LTBP4: variants seen among roughly 807,000 people sequenced by gnomAD.
The protein encoded by LTBP4 is latent-transforming growth factor beta-binding protein 4.
A neutral mutation model predicts 180.2 loss-of-function variants in LTBP4; 93 were observed. That is an observed-to-expected ratio of 0.52 (90% CI 0.44 to 0.61). LTBP4 has a LOEUF of 0.61. LTBP4 is among the 20% of genes least tolerant of loss of function. The pLI is 0.00. For missense variants in LTBP4, 2,116 were observed against 2,256.5 expected (o/e 0.94, Z 1.26); for synonymous variants, 947 against 934.5 (o/e 1.01, Z -0.24).
chr19:40,597,288 G>A (rs1158203235), upstream of LTBP4: 1 of 1,523,982 alleles, frequency 6.6e-7, no homozygotes, highest in Non-Finnish European at 8.8e-7. Context: ...TGCTGTTGCT[G>A]CCGCTCTTCG....
At chr19:40,600,828 TC>T (rs1361002592), upstream of LTBP4, among the ~76,000 whole-genome samples, 2 of 151,680 alleles carry the variant, frequency 1.3e-5, no homozygotes, top group African/African-American at 2.4e-5. This position sits in a 1 kb window ranked among gnomAD's most constrained non-coding sequence, Gnocchi z 4.4. Flanking sequence ...TTCACATGTA[TC>T]CCCCCCACCT....
rs1214224972 is a variant in LTBP4, at chr19:40,617,164, C to T, written c.3009C>T (p.Gly1003=). Residue 1003 remains glycine (G), a synonymous_variant, in exon 21 of 30, where the codon GGC becomes GGT. Coordinates refer to ENST00000396819, the MANE Select transcript of LTBP4 (RefSeq NM_001042545.2). ...GAHAVCQNLP[G]SFQCLCDQGY... Reference sequence around the variant, plus strand: ...ACGCCGTGTGCCAGAACCTGCCCGGCTCCTTCCAGTGCCTCTGTGACCAGG... The same window carrying T: ...ACGCCGTGTGCCAGAACCTGCCCGGTTCCTTCCAGTGCCTCTGTGACCAGG... 2 of 1,613,868 alleles carry T rather than the reference C, an allele frequency of 1.2e-6. No homozygotes were observed. The highest frequency in any genetic ancestry group is 1.7e-6 in the Non-Finnish European group (2 of 1,179,838).
At position 40,624,078 on chromosome 19, in the gene LTBP4, C is replaced by T. The variant is rs781431588; in HGVS notation, c.3828C>T (p.Ser1276=). The change falls in exon 26 of 30, where the codon AGC becomes AGT. Residue 1276 remains serine, a synonymous_variant. Transcript: ENST00000396819. The part of the protein sequence containing the change: ...QRRCVSNESQ[S]LDDNLGVCWQ... ...GCTGCGTCTCCAACGAGAGCCAGAG[C>T]CTCGGTAACCCCGCCCACGCCATCC... is the stretch of plus-strand genomic sequence containing the variant. The T allele has an allele frequency of 1.4e-5, 21 of 1,555,322 alleles. No homozygotes were observed. Among genetic ancestry groups the T allele is most frequent in the Non-Finnish European group, 1.7e-5 (20 of 1,147,546 alleles).
At chr19:40,597,314 C>T (rs751321445), upstream of LTBP4, 1 of 1,526,722 alleles carries the variant, frequency 6.5e-7, no homozygotes, top group South Asian at 1.2e-5. Flanking sequence ...GCCACCTCCG[C>T]CGCCAGCCCC....
chr19:40,615,193 C>CGGGGGGGGGGGGGGGGGGG (rs766440164), intron 19 of LTBP4: 1 of 23,590 alleles, frequency 4.2e-5, no homozygotes, highest in African/African-American at 1.7e-4. Flanking sequence ...TTTGTGTCGG[C>CGGGGGGGGGGGGGGGGGGG]GGGGGGGGGG....
chr19:40,593,943 G>A (rs540127901), intron 1 of LTBP4, among the ~76,000 whole-genome samples: 9 of 152,108 alleles, frequency 5.9e-5, no homozygotes, highest in East Asian at 1.9e-4. Flanking sequence ...ACAGGCGTGC[G>A]CCACCATGCC....
chr19:40,619,658 A>G (rs1289687295), intron 22 of LTBP4, among the ~76,000 whole-genome samples, 165 bp downstream of exon 22: 1 of 152,214 alleles, frequency 6.6e-6, no homozygotes, highest in East Asian at 1.9e-4. Context: ...TGTCAGGAGA[A>G]TTAGACCCTG....
Position 40,622,650 on chromosome 19 carries a change from G to A in LTBP4, c.3467G>A (p.Cys1156Tyr). Residue 1156 changes from cysteine to tyrosine, a missense_variant, in exon 23 of 30, where the codon TGC becomes TAC. Coordinates refer to ENST00000396819, the MANE Select transcript of LTBP4 (RefSeq NM_001042545.2). This position sits in a 1 kb window ranked among gnomAD's most constrained non-coding sequence, Gnocchi z 5.1. ...GGCAGCGGCTGCCGCATCCAGCAGT[G>A]CCCGGGCACCGAGACAGGTGGGCAT... ...GWGSGCRIQQ[C>Y]PGTETAEYQS... 1 of 1,604,330 alleles carries A rather than the reference G, an allele frequency of 6.2e-7. No homozygotes were observed. Among genetic ancestry groups the A allele is most frequent in the Non-Finnish European group, 8.5e-7 (1 of 1,174,662 alleles).
At position 40,613,939 on chromosome 19, in the gene LTBP4, G is replaced by T. The variant is rs2146033495; in HGVS notation, c.2581G>T (p.Asp861Tyr). ...AGACGTTGACGAGTGCAGCGAGGAG[G>T]ACCTTTGCCAGAGCGGCATCTGTAC... is the stretch of plus-strand genomic sequence containing the variant. ...CLDVDECSEEDLCQSGICTNT... is the reference protein window; with the variant it reads ...CLDVDECSEEYLCQSGICTNT... Residue 861 changes from aspartate (D) to tyrosine (Y), a missense_variant, in exon 18 of 30, where the codon GAC becomes TAC. Asp to Tyr is a radical substitution (Grantham distance 160, BLOSUM62 -3). Around this residue, in one of 5 missense-constraint regions of LTBP4, gnomAD observed 877 missense variants for 873.6 expected, o/e 1.00. Transcript: ENST00000396819. The surrounding 1 kb of genome is among the most constrained non-coding windows in gnomAD (Gnocchi z 5.0). 2 of 1,613,668 alleles carry T rather than the reference G, an allele frequency of 1.2e-6. No individual in the cohort carries two copies. Among genetic ancestry groups the T allele is most frequent in the East Asian group, 4.5e-5 (2 of 44,836 alleles).
intron 6 of LTBP4, 104 bp from the exon 7 acceptor site, chr19:40,607,261 A>AACCCCCC: frequency 3.5e-5 from 17 of 490,444 alleles, no homozygotes; most frequent in South Asian, 7.2e-5. Flanking sequence ...GCACCCACCA[A>AACCCCCC]CCCCCCACCC....
chr19:40,622,823 CAT>C lies in LTBP4; in HGVS notation c.3485-125_3485-124del. ...TGCCAGGCAGGTGGGCATGGGCAGACATAAGGCTGAGAGGTGGGCACTAACAG... is the reference window on the plus strand; with the variant it reads ...TGCCAGGCAGGTGGGCATGGGCAGACAAGGCTGAGAGGTGGGCACTAACAG... On this transcript the variant is annotated intron_variant, in intron 23 of 29. Coordinates refer to ENST00000396819, the MANE Select transcript of LTBP4 (RefSeq NM_001042545.2). The surrounding 1 kb of genome is among the most constrained non-coding windows in gnomAD (Gnocchi z 5.1). 1 of 1,381,548 alleles carries C rather than the reference CAT, an allele frequency of 7.2e-7. No individual in the cohort carries two copies. The highest frequency in any genetic ancestry group is 9.8e-7 in the Non-Finnish European group (1 of 1,016,440). The allele number at this position is 1,381,548 out of a possible 1,614,324, so 85.6% of individuals were successfully genotyped here.
At chr19:40,598,386 T>C, upstream of LTBP4, 1 of 101,994 alleles carries the variant, frequency 9.8e-6, no homozygotes, top group African/African-American at 3.8e-5. Flanking sequence ...CCCCCACTGC[T>C]CTCCTCTCGG....
intron 5 of LTBP4, 39 bp from the exon 6 acceptor site, chr19:40,606,365 A>G (rs1388322131): frequency 1.9e-6 from 3 of 1,605,280 alleles, no homozygotes; most frequent in Non-Finnish European, 2.6e-6. Flanking sequence ...TGCAGGGATC[A>G]AGTTCCTGAC....
In LTBP4 at chr19:40,622,832, GA is replaced by G; in HGVS notation, c.3485-117del. ...GGTGGGCATGGGCAGACATAAGGCT[GA>G]GAGGTGGGCACTAACAGGCACAGGG... On this transcript the variant is annotated intron_variant, in intron 23 of 29. Coordinates refer to ENST00000396819, the MANE Select transcript of LTBP4 (RefSeq NM_001042545.2). The surrounding 1 kb of genome is among the most constrained non-coding windows in gnomAD (Gnocchi z 5.1). 7.2e-7 allele frequency: 1 copy of G among 1,385,636 alleles called. No homozygotes were observed. The highest frequency in any genetic ancestry group is 9.8e-7 in the Non-Finnish European group (1 of 1,015,882). 85.8% of individuals were successfully genotyped at this position (1,385,636 alleles called of 1,614,324 possible). A position where few individuals can be genotyped will look rare whatever the true frequency, so the allele number is the denominator to read the frequency against.
In LTBP4 at chr19:40,629,378, G is replaced by T. The variant is rs7258772; in HGVS notation, c.4520-18G>T. 116 of 1,611,918 alleles carry T rather than the reference G, an allele frequency of 7.2e-5. No individual in the cohort carries two copies. The highest frequency in any genetic ancestry group is 9.5e-5 in the Non-Finnish European group (112 of 1,179,148). On this transcript the variant is annotated intron_variant, in intron 29 of 29. Transcript: ENST00000396819. This position sits in a 1 kb window ranked among gnomAD's most constrained non-coding sequence, Gnocchi z 4.5. ...GGGGCCCCAGCCTTCAGCAGCGATC[G>T]TTGTCTCCCCTCCGCAGACATCAAC...
intron 7 of LTBP4, among the ~76,000 whole-genome samples, chr19:40,607,809 C>G (rs768447733): frequency 6.6e-6 from 1 of 152,238 alleles, no homozygotes; most frequent in Non-Finnish European, 1.5e-5. Context: ...CCCACCCTGT[C>G]CCTGAACTTT....
rs1448640950 is a variant in LTBP4, at chr19:40,621,539, G to A, written c.3218-862G>A. Among the ~76,000 whole-genome samples, 14 of 152,124 alleles carry A rather than the reference G, an allele frequency of 9.2e-5. No individual in the cohort carries two copies. The South Asian group carries it at 1.2e-3, about 13-fold the overall frequency. ...CAGATTTTGAAACCTCCCTCTGGCCGCCATGTGAAGGTGATTGAAGCGGGT... is the reference window on the plus strand; with the variant it reads ...CAGATTTTGAAACCTCCCTCTGGCCACCATGTGAAGGTGATTGAAGCGGGT... On this transcript the variant is annotated intron_variant, in intron 22 of 29. Coordinates refer to ENST00000396819, the MANE Select transcript of LTBP4 (RefSeq NM_001042545.2).
intron 1 of LTBP4, 56 bp from the exon 2 acceptor site, chr19:40,604,979 C>T: frequency 2.0e-6 from 3 of 1,517,380 alleles, no homozygotes; most frequent in Non-Finnish European, 2.7e-6. Context: ...AGTAGGGACC[C>T]CAGGAGAACC....
chr19:40,616,797 T>C, intron 19 of LTBP4, 92 bp from the exon 20 acceptor site: 3 of 1,446,500 alleles, frequency 2.1e-6, no homozygotes, highest in Non-Finnish European at 2.8e-6. Flanking sequence ...ACCAGATTGC[T>C]AAAGACTTCT....
Sources: gnomAD v4.1 joint callset for allele counts (sites outside exome capture counted in the v4.1 genomes callset) on GRCh38, gnomAD v4.1.1 for gene constraint, gnomAD v4.1.1 regional missense constraint, Gnocchi (gnomAD v3.1) non-coding constraint, MANE v1.5 for transcripts, NCBI Gene and HGNC (gene_info 2026-07-23, HGNC 2026-07-21) for gene names.